The following MED26 variants were observed in gnomAD, a reference collection of about 807,000 sequenced individuals.
MED26 encodes the protein mediator of RNA polymerase II transcription subunit 26.
In MED26, 7 loss-of-function variants were observed where a neutral mutation model predicts 43.7. That is an observed-to-expected ratio of 0.16 (90% CI 0.09 to 0.30). The LOEUF is 0.30. MED26 is among the 10% of genes least tolerant of loss of function. The pLI is 1.00. For missense variants in MED26, 784 were observed against 840.6 expected (o/e 0.93, Z 0.83); for synonymous variants, 375 against 371.1 (o/e 1.01, Z -0.12).
chr19:16,589,609 G>A (rs530584839), intron 1 of MED26, among the ~76,000 whole-genome samples: 1 of 152,278 alleles, frequency 6.6e-6, no homozygotes, highest in Admixed American at 6.5e-5. Context: ...GTGGCAGGCA[G>A]AGAATGACTA....
chr19:16,606,421 G>T (rs142273032), intron 1 of MED26, among the ~76,000 whole-genome samples: 3,673 of 152,200 alleles, frequency 0.024, 53 homozygotes, highest in Middle Eastern at 0.044. Flanking sequence ...GTGTGGTGGC[G>T]CATGCCTGTA....
chr19:16,604,371 A>G (rs1387992740), intron 1 of MED26, among the ~76,000 whole-genome samples: 1 of 152,264 alleles, frequency 6.6e-6, no homozygotes, highest in East Asian at 1.9e-4. Flanking sequence ...ACAGGGGTCA[A>G]AGGAGGCCTT....
At chr19:16,625,865 G>C (rs1460065709) in intron 1 of MED26, among the ~76,000 whole-genome samples, 1 of 152,184 alleles carries the variant, frequency 6.6e-6, no homozygotes, top group Non-Finnish European at 1.5e-5. Flanking sequence ...TTTCCTCATT[G>C]TTCATAGTCA....
intron 1 of MED26, among the ~76,000 whole-genome samples, chr19:16,609,336 A>AAAGAGAG (rs765489188): frequency 7.0e-6 from 1 of 142,266 alleles, no homozygotes; most frequent in Non-Finnish European, 1.6e-5. Context: ...AAAAAAAAAA[A>AAAGAGAG]AGAGAGAGAA....
In MED26 at chr19:16,576,940, A is replaced by C. The variant is rs752076366; in HGVS notation, c.890T>G (p.Val297Gly). 1.1e-5 allele frequency: 17 copies of C among 1,596,034 alleles called. No individual in the cohort carries two copies. Among genetic ancestry groups the C allele is most frequent in the African/African-American group, 2.7e-5 (2 of 74,646 alleles). Residue 297 changes from valine to glycine, a missense_variant, in exon 3 of 3, where the codon GTG becomes GGG. Val to Gly is a moderately radical substitution (Grantham distance 109, BLOSUM62 -3). This residue lies in a region of MED26 where 719 missense variants were observed against 730.9 expected (regional missense o/e 0.98). Coordinates refer to ENST00000263390, the MANE Select transcript of MED26 (RefSeq NM_004831.5). This position sits in a 1 kb window ranked among gnomAD's most constrained non-coding sequence, Gnocchi z 6.8. ...CTGGGGCCGCGGTGAGGGGCTGGGC[A>C]CGGAGCCCTTGGGTGCATACAAGCT... ...QQSLYAPKGS[V>G]PSPSPRPQAL...
chr19:16,578,679 G>A lies in MED26; in HGVS notation c.73-270C>T, dbSNP rs1250766310. On this transcript the variant is annotated intron_variant, in intron 1 of 2. Transcript: ENST00000263390. ...GTACATGGTACATACCCACCCACCTGCTGAAACCCAGGATGCCTGTGGAAC... is the reference window on the plus strand; with the variant it reads ...GTACATGGTACATACCCACCCACCTACTGAAACCCAGGATGCCTGTGGAAC... 9.3e-6 allele frequency: 4 copies of A among 430,778 alleles called. No homozygotes were observed. In the Admixed American group the frequency reaches 1.8e-4, roughly 19 times the overall value. The allele number at this position is 430,778 out of a possible 1,614,324, so 26.7% of individuals were successfully genotyped here.
intron 1 of MED26, among the ~76,000 whole-genome samples, chr19:16,616,724 G>A (rs2086227826): frequency 6.6e-6 from 1 of 152,288 alleles, no homozygotes; most frequent in African/African-American, 2.4e-5. Flanking sequence ...GACTACCTGG[G>A]GAAAGTCTTA....
chr19:16,587,927 T>C lies in MED26; in HGVS notation c.73-9518A>G, dbSNP rs2086078624. On this transcript the variant is annotated intron_variant, in intron 1 of 2. Coordinates refer to ENST00000263390, the MANE Select transcript of MED26 (RefSeq NM_004831.5). This position sits in a 1 kb window ranked among gnomAD's most constrained non-coding sequence, Gnocchi z 4.9. ...GCCTGACTTCTGCAGCGAGGGAAAC[T>C]TGCAGATGAAGCCAGGAGGCAGGCA... 6.6e-6 allele frequency: 1 copy of C among 152,216 alleles called. No homozygotes were observed. The highest frequency in any genetic ancestry group is 1.5e-5 in the Non-Finnish European group (1 of 68,052). The allele number at this position is 152,216 out of a possible 1,614,324, so 9.4% of individuals were successfully genotyped here. A position where few individuals can be genotyped will look rare whatever the true frequency, so the allele number is the denominator to read the frequency against.
chr19:16,619,415 C>G (rs545021913), intron 1 of MED26, among the ~76,000 whole-genome samples: 2 of 152,316 alleles, frequency 1.3e-5, no homozygotes, highest in South Asian at 4.1e-4. Flanking sequence ...GAGGATGTGG[C>G]CACCTCTCCA....
In MED26 at chr19:16,577,954, C is replaced by G; in HGVS notation, c.148-272G>C. On this transcript the variant is annotated intron_variant, in intron 2 of 2. Coordinates refer to ENST00000263390, the MANE Select transcript of MED26 (RefSeq NM_004831.5). This position sits in a 1 kb window ranked among gnomAD's most constrained non-coding sequence, Gnocchi z 8.1. ...CTGGTGTCAGGGGGCTGTGGACCAT[C>G]AAGGCCACTGTAAGGACACTGCCAG... is the stretch of plus-strand genomic sequence containing the variant. 2.1e-6 allele frequency: 1 copy of G among 473,532 alleles called. No homozygotes were observed. Among genetic ancestry groups the G allele is most frequent in the South Asian group, 3.0e-5 (1 of 33,404 alleles). 29.3% of individuals were successfully genotyped at this position (473,532 alleles called of 1,614,324 possible). A position where few individuals can be genotyped will look rare whatever the true frequency, so the allele number is the denominator to read the frequency against.
chr19:16,621,645 C>T (rs1263367833), intron 1 of MED26, among the ~76,000 whole-genome samples: 4 of 152,100 alleles, frequency 2.6e-5, no homozygotes, highest in African/African-American at 9.7e-5. Context: ...CACAGAGAAT[C>T]GCAGAACCTC....
chr19:16,588,564 A>G (rs944128340), intron 1 of MED26: 2 of 152,362 alleles, frequency 1.3e-5, no homozygotes, highest in Admixed American at 1.3e-4. Flanking sequence ...AGCAAGACCT[A>G]TCACTGACTG....
chr19:16,619,677 C>T (rs1199435587), intron 1 of MED26, among the ~76,000 whole-genome samples: 1 of 152,138 alleles, frequency 6.6e-6, no homozygotes, highest in African/African-American at 2.4e-5. Flanking sequence ...TCACACCCAC[C>T]TGAGTCCTCC....
At chr19:16,619,216 A>G (rs1220912124) in intron 1 of MED26, among the ~76,000 whole-genome samples, 1 of 152,264 alleles carries the variant, frequency 6.6e-6, no homozygotes, top group Non-Finnish European at 1.5e-5. Flanking sequence ...CCTTCACATC[A>G]GTATCACGGG....
chr19:16,584,146 G>A (rs915840013), intron 1 of MED26, among the ~76,000 whole-genome samples: 2 of 151,952 alleles, frequency 1.3e-5, no homozygotes, highest in Non-Finnish European at 2.9e-5. Flanking sequence ...CCAGCTACTC[G>A]GGAGGCTGAG....
chr19:16,599,245 T>C (rs755037726), intron 1 of MED26, among the ~76,000 whole-genome samples: 3 of 152,168 alleles, frequency 2.0e-5, no homozygotes, highest in Admixed American at 6.5e-5. Flanking sequence ...CCCATGAAAA[T>C]AAATGCATAG....
In MED26 at chr19:16,628,143, G is replaced by A. The variant is rs1035940451; in HGVS notation, c.-200C>T. On this transcript the variant is annotated 5_prime_UTR_variant, in exon 1 of 3. Transcript: ENST00000263390. Reference sequence around the variant, plus strand: ...CCGGGCCGCCGCCGCCACCAAAGGAGGAGGAGGAGCCGCCGGAGCCGCCGC... The same window carrying A: ...CCGGGCCGCCGCCGCCACCAAAGGAAGAGGAGGAGCCGCCGGAGCCGCCGC... 1.0e-4 allele frequency: 37 copies of A among 369,064 alleles called. 2 individuals are homozygous for A. The highest frequency in any genetic ancestry group is 4.5e-4 in the African/African-American group (21 of 46,948). 22.9% of individuals were successfully genotyped at this position (369,064 alleles called of 1,614,324 possible).
chr19:16,627,313 C>A (rs886797136), intron 1 of MED26, among the ~76,000 whole-genome samples: 1 of 152,164 alleles, frequency 6.6e-6, no homozygotes, highest in South Asian at 2.1e-4. Flanking sequence ...AGACTCTCCA[C>A]GTACCCTAGG....
Position 16,575,968 on chromosome 19 carries a change from G to GGCC in MED26, c.*58_*59insGGC. 1 of 1,519,124 alleles carries GGCC rather than the reference G, an allele frequency of 6.6e-7. No individual in the cohort carries two copies. Among genetic ancestry groups the GGCC allele is most frequent in the Non-Finnish European group, 8.9e-7 (1 of 1,119,408 alleles). 94.1% of individuals were successfully genotyped at this position (1,519,124 alleles called of 1,614,324 possible). ...CTGGGCCCCGGCCACCTGCCCACCT[G>GGCC]CCTGCCCGCCCACCCGGCTTCTGCA... On this transcript the variant is annotated 3_prime_UTR_variant, in exon 3 of 3. Transcript: ENST00000263390.
Sources: allele counts gnomAD v4.1 joint callset (sites outside exome capture counted in the v4.1 genomes callset), GRCh38; gene constraint gnomAD v4.1.1; regional missense constraint gnomAD v4.1.1; non-coding constraint Gnocchi (gnomAD v3.1); transcripts MANE v1.5; gene names NCBI Gene and HGNC (gene_info 2026-07-23, HGNC 2026-07-21).